PTPRZ1: variants seen among roughly 807,000 people sequenced by gnomAD.
PTPRZ1 encodes the protein receptor-type tyrosine-protein phosphatase zeta.
A neutral mutation model predicts 214.1 loss-of-function variants in PTPRZ1; 82 were observed. That is an observed-to-expected ratio of 0.38 (90% CI 0.32 to 0.46). PTPRZ1 has a LOEUF of 0.46. PTPRZ1 is among the 20% of genes least tolerant of loss of function. The pLI, the probability that PTPRZ1 is intolerant of heterozygous loss-of-function variation, is 1.00. For missense variants in PTPRZ1, 2,603 were observed against 2,748.7 expected, an observed-to-expected ratio of 0.95 and a Z score of 1.19; for synonymous variants, 945 against 987.9, an observed-to-expected ratio of 0.96 and a Z score of 0.81.
At chr7:121,922,492 C>T (rs1584641457) in intron 1 of PTPRZ1, among the ~76,000 whole-genome samples, 1 of 152,070 alleles carries the variant, frequency 6.6e-6, no homozygotes, top group African/African-American at 2.4e-5. Flanking sequence ...AGGGCGTAGG[C>T]GTGGGGTGAG....
chr7:122,011,898 A>T lies in PTPRZ1; in HGVS notation c.2852A>T (p.His951Leu), dbSNP rs148720746. The T allele has an allele frequency of 6.2e-7, 1 of 1,614,196 alleles. No homozygotes were observed. Among genetic ancestry groups the T allele is most frequent in the South Asian group, 1.1e-5 (1 of 91,084 alleles). Residue 951 changes from histidine (H) to leucine (L), a missense_variant, in exon 12 of 30, where the codon CAT (histidine) becomes CTT (leucine). Coordinates refer to ENST00000393386, the MANE Select transcript of PTPRZ1 (RefSeq NM_002851.3). The part of the protein sequence containing the change: ...TVSYSSAIPV[H>L]DSVGVTYQGS... ...TCTTACAGTTCTGCAATACCTGTGC[A>T]TGATTCTGTGGGTGTAACTTATCAG...
chr7:121,983,533 T>C lies in PTPRZ1; in HGVS notation c.620-132T>C, dbSNP rs1797677544. 4.5e-6 allele frequency: 4 copies of C among 880,438 alleles called. No homozygotes were observed. The East Asian group carries it at 1.0e-4, about 22-fold the overall frequency. The allele number at this position is 880,438 out of a possible 1,614,324, so 54.5% of individuals were successfully genotyped here. On this transcript the variant is annotated intron_variant, in intron 6 of 29. Transcript: ENST00000393386. ...CCAGCTTTATTACCATTTAAAAATA[T>C]ATCTAAAATGTTTCAAAATCTCAGT...
intron 3 of PTPRZ1, among the ~76,000 whole-genome samples, chr7:121,971,288 C>T (rs1175103357): frequency 6.6e-6 from 1 of 152,098 alleles, no homozygotes; most frequent in African/African-American, 2.4e-5. Context: ...ATGTGCTAGG[C>T]TTTATAACCA....
intron 12 of PTPRZ1, among the ~76,000 whole-genome samples, chr7:122,017,201 T>C (rs1798868270): frequency 6.6e-6 from 1 of 152,174 alleles, no homozygotes; most frequent in South Asian, 2.1e-4. Context: ...AAGACAACCA[T>C]GTATAAAATA....
chr7:121,928,540 C>T (rs1488001227), intron 2 of PTPRZ1, among the ~76,000 whole-genome samples: 2 of 151,988 alleles, frequency 1.3e-5, no homozygotes, highest in Non-Finnish European at 2.9e-5. Context: ...CTGTTCTGAG[C>T]ATTAAATGAG....
At chr7:121,939,740 TGTACTAG>T (rs1288945992) in intron 2 of PTPRZ1, among the ~76,000 whole-genome samples, 3 of 152,212 alleles carry the variant, frequency 2.0e-5, no homozygotes, top group Non-Finnish European at 4.4e-5. Flanking sequence ...AGCCAGACAC[TGTACTAG>T]GCATCAGAGA....
At chr7:121,999,182 T>C (rs970271258) in intron 10 of PTPRZ1, among the ~76,000 whole-genome samples, 1 of 152,214 alleles carries the variant, frequency 6.6e-6, no homozygotes, top group Non-Finnish European at 1.5e-5. Flanking sequence ...ACTACTACCA[T>C]GATGGCAATA....
Position 121,984,014 on chromosome 7 carries a change from C to A in PTPRZ1, c.825C>A (p.Val275=). The A allele has an allele frequency of 6.2e-7, 1 of 1,613,560 alleles. No homozygotes were observed. Among genetic ancestry groups the A allele is most frequent in the South Asian group, 1.1e-5 (1 of 91,048 alleles). Residue 275 remains valine, a synonymous_variant, in exon 8 of 30, where the codon GTC becomes GTA. Coordinates refer to ENST00000393386, the MANE Select transcript of PTPRZ1 (RefSeq NM_002851.3). Reference sequence around the variant, plus strand: ...TTACAATGCAACAATCTGGTTATGTCATGCTGATGGACTACTTACAAAACA... The same window carrying A: ...TTACAATGCAACAATCTGGTTATGTAATGCTGATGGACTACTTACAAAACA... ...EVLTMQQSGY[V]MLMDYLQNNF... is the part of the protein sequence containing the mutation.
intron 2 of PTPRZ1, among the ~76,000 whole-genome samples, chr7:121,928,636 T>A (rs1490654575): frequency 6.6e-6 from 1 of 152,208 alleles, no homozygotes; most frequent in East Asian, 1.9e-4. Context: ...GTTGTTATGA[T>A]CATGCTAATG....
At chr7:121,950,471 G>A (rs1238226287) in intron 2 of PTPRZ1, among the ~76,000 whole-genome samples, 1 of 152,174 alleles carries the variant, frequency 6.6e-6, no homozygotes, top group Non-Finnish European at 1.5e-5. Flanking sequence ...TGATAAAGAA[G>A]CAAAGTAAAA....
rs183776933 is a variant in PTPRZ1 at position 121,956,654 on chromosome 7, A to G, written c.125-11297A>G. Among the ~76,000 whole-genome samples the G allele has an allele frequency of 3.3e-4, 50 of 152,378 alleles. No individual in the cohort carries two copies. The East Asian group carries it at 9.2e-3, about 28-fold the overall frequency. On this transcript the variant is annotated intron_variant, in intron 2 of 29. Coordinates refer to ENST00000393386, the MANE Select transcript of PTPRZ1 (RefSeq NM_002851.3). ...AGATTGCCTGATGCATTGGTGACCA[A>G]TTAATGGGATTCCGGTCCCAACAGA...
intron 1 of PTPRZ1, chr7:121,909,044 C>T: frequency 2.1e-6 from 1 of 473,354 alleles, no homozygotes; most frequent in Non-Finnish European, 4.2e-6. Flanking sequence ...ATTTTGGAAT[C>T]AATTTGCTTG....
At chr7:121,874,192 G>A (rs995990286) in intron 1 of PTPRZ1, among the ~76,000 whole-genome samples, 24 of 152,146 alleles carry the variant, frequency 1.6e-4, no homozygotes, top group African/African-American at 4.8e-4. Flanking sequence ...AAATCTCTAG[G>A]TTTGGTCAGT....
chr7:121,895,495 G>A (rs764518535), intron 1 of PTPRZ1, among the ~76,000 whole-genome samples: 11 of 152,132 alleles, frequency 7.2e-5, no homozygotes, highest in Non-Finnish European at 1.0e-4. Context: ...TAAGAGAGAT[G>A]TAAAATAATA....
chr7:121,996,252 A>G (rs1798130151), intron 8 of PTPRZ1, 130 bp from the exon 9 acceptor site: 1 of 619,140 alleles, frequency 1.6e-6, no homozygotes, highest in Non-Finnish European at 2.6e-6. Flanking sequence ...CAAAAGCTCC[A>G]CAGTGGGAAA....
chr7:121,914,995 A>G (rs999554864), intron 1 of PTPRZ1, among the ~76,000 whole-genome samples: 9 of 152,182 alleles, frequency 5.9e-5, no homozygotes, highest in Admixed American at 5.2e-4. Flanking sequence ...TGAAGGGCTT[A>G]GAAAACTGCA....
chr7:122,034,173 A>C (rs1016506706), intron 16 of PTPRZ1, 58 bp downstream of exon 16: 3 of 1,569,524 alleles, frequency 1.9e-6, no homozygotes, highest in African/African-American at 2.7e-5. Flanking sequence ...AACTTTTAAA[A>C]AATTTCATTT....
rs577474990 is a variant in PTPRZ1, at chr7:121,957,516, C to T, written c.125-10435C>T. Among the ~76,000 whole-genome samples the T allele has an allele frequency of 3.7e-4, 56 of 152,282 alleles. 1 individual carries two copies. Among genetic ancestry groups the T allele is most frequent in the African/African-American group, 1.3e-3 (54 of 41,544 alleles). On this transcript the variant is annotated intron_variant, in intron 2 of 29. Transcript: ENST00000393386. Reference sequence around the variant, plus strand: ...TGCTTTCCCTCAGCCTAAAAGTCCACGATTTTATTCTTCACTATTTCCTCA... The same window carrying T: ...TGCTTTCCCTCAGCCTAAAAGTCCATGATTTTATTCTTCACTATTTCCTCA...
intron 2 of PTPRZ1, among the ~76,000 whole-genome samples, chr7:121,953,283 A>G (rs1275676885): frequency 1.3e-5 from 2 of 152,228 alleles, no homozygotes; most frequent in African/African-American, 4.8e-5. Flanking sequence ...GTGAAGAAAT[A>G]CATTTTAGGT....
Sources: gnomAD v4.1 joint callset for allele counts (sites outside exome capture counted in the v4.1 genomes callset) on GRCh38, gnomAD v4.1.1 for gene constraint, MANE v1.5 for transcripts, NCBI Gene and HGNC (gene_info 2026-07-23, HGNC 2026-07-21) for gene names.